Variants in HMCN2 observed in about 807,000 individuals in gnomAD.
HMCN2 encodes hemicentin 2, also known as hemicentin-2.
HMCN2 carries 325 observed loss-of-function variants against 377.5 expected under a neutral mutation model. The observed-to-expected ratio is 0.86, with a 90% CI of 0.79 to 0.94. HMCN2 has a LOEUF of 0.94. Ranked by LOEUF, HMCN2 falls within the 40% of genes least tolerant of loss-of-function variation. HMCN2 has a pLI of 0.00. For synonymous variants in HMCN2, 2,007 were observed against 2,046.8 expected, an observed-to-expected ratio of 0.98 and a Z score of 0.53; for missense variants, 4,543 against 4,725.3, an observed-to-expected ratio of 0.96 and a Z score of 1.13.
At position 130,418,961 on chromosome 9, in the gene HMCN2, C is replaced by A; in HGVS notation, c.13151C>A (p.Thr4384Asn). ...DGSLWLENVE[T>N]GDAGTYDCVA... is the part of the protein sequence containing the mutation. ...AGCCTGTGGCTGGAGAACGTGGAGA[C>A]TGGGGATGCAGGCACCTACGACTGC... The change falls in exon 86 of 98, where the codon ACT (threonine) becomes AAT (asparagine). Residue 4384 changes from threonine (T) to asparagine (N), a missense_variant. Thr to Asn is a moderately conservative substitution (Grantham distance 65, BLOSUM62 0). Transcript: ENST00000683500. 6.5e-7 allele frequency: 1 copy of A among 1,532,260 alleles called. No homozygotes were observed. 94.9% of individuals were successfully genotyped at this position (1,532,260 alleles called of 1,614,324 possible).
At position 130,396,325 on chromosome 9, in the gene HMCN2, A is replaced by C; in HGVS notation, c.11198+12A>C. Reference sequence around the variant, plus strand: ...CCCAGGAGCCCCAGGTGGGAGAGGGAAGGGGTGGGCCTCAGGGAGGCTCTC... The same window carrying C: ...CCCAGGAGCCCCAGGTGGGAGAGGGCAGGGGTGGGCCTCAGGGAGGCTCTC... On this transcript the variant is annotated intron_variant, in intron 73 of 97. Transcript: ENST00000683500. 1 of 1,262,788 alleles carries C rather than the reference A, an allele frequency of 7.9e-7. No individual in the cohort carries two copies. Among genetic ancestry groups the C allele is most frequent in the Non-Finnish European group, 1.0e-6 (1 of 967,160 alleles). 78.2% of individuals were successfully genotyped at this position (1,262,788 alleles called of 1,614,324 possible). A position where few individuals can be genotyped will look rare whatever the true frequency, so the allele number is the denominator to read the frequency against.
intron 96 of HMCN2, 126 bp from the exon 97 acceptor site, chr9:130,432,303 G>A (rs1844805102): frequency 2.4e-6 from 2 of 847,974 alleles, no homozygotes; most frequent in South Asian, 1.6e-5. Context: ...GACTGGCTGG[G>A]GACAAAGGGA....
At chr9:130,425,648 C>G (rs1415842333) in intron 89 of HMCN2, 39 bp from the exon 90 acceptor site, 1 of 1,272,712 alleles carries the variant, frequency 7.9e-7, no homozygotes, top group South Asian at 1.3e-5. Context: ...CTCCCTCTCC[C>G]CCACCCCTCC....
At chr9:130,367,007 C>A (rs1319176331) in intron 43 of HMCN2, among the ~76,000 whole-genome samples, 1 of 152,010 alleles carries the variant, frequency 6.6e-6, no homozygotes, top group Non-Finnish European at 1.5e-5. Flanking sequence ...ACCAAGCGGA[C>A]TTGAAAAGCT....
intron 34 of HMCN2, among the ~76,000 whole-genome samples, chr9:130,357,325 G>C (rs1840091793): frequency 6.7e-6 from 1 of 149,716 alleles, no homozygotes; most frequent in South Asian, 2.1e-4. Flanking sequence ...TGGGTGGGTG[G>C]GTGGATGGAT....
At chr9:130,359,270 G>A (rs747935522) in intron 36 of HMCN2, 49 bp from the exon 37 acceptor site, 3 of 1,065,652 alleles carry the variant, frequency 2.8e-6, no homozygotes, top group South Asian at 1.3e-5. Context: ...GATTAGAGCT[G>A]CCCAGAGCTT....
chr9:130,310,461 G>C (rs1208512697), intron 15 of HMCN2, among the ~76,000 whole-genome samples: 1 of 146,240 alleles, frequency 6.8e-6, no homozygotes, highest in African/African-American at 2.4e-5. Context: ...TTGGCAGGAG[G>C]CTCCCAGAGA....
Position 130,303,068 on chromosome 9 carries a change from A to T in HMCN2, c.1421+67A>T. ...TCCTGGCTGCTGAGGCCCTGGAGGG[A>T]TCTCAGGGGAGTGGGTGGCAGGAGA... On this transcript the variant is annotated intron_variant, in intron 9 of 97. Transcript: ENST00000683500. This position sits in a 1 kb window ranked among gnomAD's most constrained non-coding sequence, Gnocchi z 5.2. 7.6e-6 allele frequency: 3 copies of T among 395,494 alleles called. No individual in the cohort carries two copies. The highest frequency in any genetic ancestry group is 5.7e-5 in the Admixed American group (2 of 34,792). 24.5% of individuals were successfully genotyped at this position (395,494 alleles called of 1,614,324 possible).
In HMCN2 at chr9:130,422,873, C is replaced by A; in HGVS notation, c.13381+147C>A. On this transcript the variant is annotated intron_variant, in intron 87 of 97. Transcript: ENST00000683500. This position sits in a 1 kb window ranked among gnomAD's most constrained non-coding sequence, Gnocchi z 4.2. ...ATGACCAGAGCACGTCTGACCATCT[C>A]TCAAAGCTGAGTGCAATCCAAAGTG... 1.6e-6 allele frequency: 1 copy of A among 637,252 alleles called. No homozygotes were observed. Among genetic ancestry groups the A allele is most frequent in the Non-Finnish European group, 2.3e-6 (1 of 443,990 alleles). 39.5% of individuals were successfully genotyped at this position (637,252 alleles called of 1,614,324 possible). A position where few individuals can be genotyped will look rare whatever the true frequency, so the allele number is the denominator to read the frequency against.
At chr9:130,381,912 T>C (rs1336908222) in intron 54 of HMCN2, among the ~76,000 whole-genome samples, 1 of 152,090 alleles carries the variant, frequency 6.6e-6, no homozygotes, top group Non-Finnish European at 1.5e-5. Flanking sequence ...ATCTGTAAGA[T>C]GGGAGTGACA....
intron 22 of HMCN2, among the ~76,000 whole-genome samples, chr9:130,330,313 G>A (rs1003342235): frequency 1.3e-5 from 2 of 152,174 alleles, no homozygotes; most frequent in African/African-American, 4.8e-5. Flanking sequence ...CTGCGGTGTA[G>A]TCAGGGCTGA....
chr9:130,419,162 G>C, intron 86 of HMCN2, 121 bp downstream of exon 86: 1 of 1,025,602 alleles, frequency 9.8e-7, no homozygotes, highest in Non-Finnish European at 1.3e-6. Context: ...TCTTCCCTTT[G>C]CTTCATCACA....
At chr9:130,362,793 A>G in intron 39 of HMCN2, 74 bp from the exon 40 acceptor site, 1 of 978,884 alleles carries the variant, frequency 1.0e-6, no homozygotes, top group Non-Finnish European at 1.2e-6. Flanking sequence ...CGGCTTGGGC[A>G]GGTGGGGTTC....
At chr9:130,359,215 G>T in intron 36 of HMCN2, 104 bp from the exon 37 acceptor site, 1 of 512,016 alleles carries the variant, frequency 2.0e-6, no homozygotes, top group Non-Finnish European at 3.2e-6. Flanking sequence ...CCTTAGTCTA[G>T]GATTTTCTAT....
intron 74 of HMCN2, among the ~76,000 whole-genome samples, 192 bp downstream of exon 74, chr9:130,397,847 C>T (rs374760458): frequency 2.0e-5 from 3 of 152,172 alleles, no homozygotes; most frequent in African/African-American, 4.8e-5. Context: ...GCATATATTA[C>T]GTAACAGAAC....
intron 80 of HMCN2, among the ~76,000 whole-genome samples, chr9:130,404,315 GC>G (rs770528197): frequency 2.6e-5 from 4 of 152,160 alleles, no homozygotes; most frequent in African/African-American, 7.2e-5. Context: ...GGCCATCCCC[GC>G]CCGCAGCTAT....
At chr9:130,404,792 C>A in intron 80 of HMCN2, 77 bp from the exon 81 acceptor site, 1 of 1,073,418 alleles carries the variant, frequency 9.3e-7, no homozygotes, top group Non-Finnish European at 1.2e-6. Context: ...AGGGCTGGGC[C>A]AAAGGCCAAG....
chr9:130,341,918 G>GT (rs1405281152), intron 24 of HMCN2, among the ~76,000 whole-genome samples: 2 of 152,004 alleles, frequency 1.3e-5, no homozygotes, highest in African/African-American at 4.8e-5. Context: ...GCTCATGCCT[G>GT]TAATCCCAGC....
Position 130,303,567 on chromosome 9 carries a change from G to A in HMCN2, c.1502G>A (p.Arg501Lys). 2.6e-6 allele frequency: 1 copy of A among 378,902 alleles called. No individual in the cohort carries two copies. The highest frequency in any genetic ancestry group is 1.9e-5 in the South Asian group (1 of 52,102). The allele number at this position is 378,902 out of a possible 1,614,324, so 23.5% of individuals were successfully genotyped here. A position where few individuals can be genotyped will look rare whatever the true frequency, so the allele number is the denominator to read the frequency against. The change falls in exon 10 of 98, where the codon AGG (arginine) becomes AAG (lysine). Residue 501 changes from arginine (R) to lysine (K), a missense_variant. Arg to Lys is a conservative substitution (Grantham distance 26). This residue lies in a region of HMCN2 where 547 missense variants were observed against 189.9 expected (regional missense o/e 2.88). Transcript: ENST00000683500. The surrounding 1 kb of genome is among the most constrained non-coding windows in gnomAD (Gnocchi z 5.2). ...EGTYECTAVSRAGTGRAKAQI... is the reference protein window; with the variant it reads ...EGTYECTAVSKAGTGRAKAQI... Reference sequence around the variant, plus strand: ...ACGTACGAGTGCACAGCCGTCAGCAGGGCTGGGACCGGGCGAGCAAAGGCC... The same window carrying A: ...ACGTACGAGTGCACAGCCGTCAGCAAGGCTGGGACCGGGCGAGCAAAGGCC...
Sources: allele counts gnomAD v4.1 joint callset (sites outside exome capture counted in the v4.1 genomes callset), GRCh38; gene constraint gnomAD v4.1.1; regional missense constraint gnomAD v4.1.1; non-coding constraint Gnocchi (gnomAD v3.1); transcripts MANE v1.5; gene names NCBI Gene and HGNC (gene_info 2026-07-23, HGNC 2026-07-21).